The following SIK3 variants were observed in gnomAD, a reference collection of about 807,000 sequenced individuals.
SIK3 encodes the protein SIK family kinase 3.
SIK3 carries 28 observed loss-of-function variants against 144.2 expected under a neutral mutation model. The ratio of observed to expected loss-of-function variants is 0.19; its 90% CI spans 0.14 to 0.27. The LOEUF (loss-of-function observed/expected upper bound fraction) is 0.27. Ranked by LOEUF, SIK3 falls within the 10% of genes least tolerant of loss-of-function variation. SIK3 has a pLI of 1.00. For missense variants in SIK3, 1,319 were observed against 1,776.0 expected (o/e 0.74, Z 4.62); for synonymous variants, 686 against 676.3 (o/e 1.01, Z -0.22).
At chr11:116,890,279 G>GT (rs1406219490) in intron 6 of SIK3, among the ~76,000 whole-genome samples, 6 of 152,214 alleles carry the variant, frequency 3.9e-5, no homozygotes, top group Admixed American at 1.3e-4. Flanking sequence ...TGAGGGGAAT[G>GT]TATGTGTTTG....
chr11:116,896,180 A>T, intron 6 of SIK3, 73 bp downstream of exon 6: 1 of 1,584,330 alleles, frequency 6.3e-7, no homozygotes, highest in Non-Finnish European at 8.6e-7. Flanking sequence ...CTCCATCACT[A>T]AATTCCTGGG....
At chr11:116,851,789 C>T (rs1258111770) in intron 21 of SIK3, among the ~76,000 whole-genome samples, 1 of 152,248 alleles carries the variant, frequency 6.6e-6, no homozygotes, top group Non-Finnish European at 1.5e-5. Flanking sequence ...GGGCACTGCT[C>T]GCATGTTGGC....
chr11:117,033,708 T>TAAAA (rs11347459), intron 1 of SIK3, among the ~76,000 whole-genome samples: 3 of 91,506 alleles, frequency 3.3e-5, no homozygotes, highest in Non-Finnish European at 7.3e-5. Context: ...AGACTCCGTC[T>TAAAA]AAAAAAAAAA....
chr11:116,982,202 G>T (rs1950162231), intron 1 of SIK3, among the ~76,000 whole-genome samples: 1 of 151,988 alleles, frequency 6.6e-6, no homozygotes, highest in South Asian at 2.1e-4. Context: ...GGTACTACTT[G>T]TCTCTTGTCC....
At chr11:116,918,828 A>T (rs763945615) in intron 4 of SIK3, among the ~76,000 whole-genome samples, 3 of 152,252 alleles carry the variant, frequency 2.0e-5, no homozygotes, top group Non-Finnish European at 4.4e-5. Context: ...ACAAATTTGT[A>T]AAGTTCTAGT....
chr11:116,983,568 A>G (rs1177170839), intron 1 of SIK3, among the ~76,000 whole-genome samples: 1 of 152,102 alleles, frequency 6.6e-6, no homozygotes, highest in Non-Finnish European at 1.5e-5. Context: ...ATACATCTGT[A>G]TTTTAATAAG....
intron 1 of SIK3, among the ~76,000 whole-genome samples, chr11:117,064,674 A>C (rs1263764507): frequency 1.3e-5 from 2 of 152,206 alleles, no homozygotes; most frequent in African/African-American, 4.8e-5. Context: ...GGCATCTTAA[A>C]ACAGGTCTTT....
intron 6 of SIK3, 57 bp from the exon 7 acceptor site, chr11:116,877,099 T>A: frequency 1.3e-6 from 2 of 1,504,968 alleles, no homozygotes; most frequent in Non-Finnish European, 1.8e-6. Flanking sequence ...ACCAGGGGAG[T>A]AGAGGAACCA....
intron 4 of SIK3, among the ~76,000 whole-genome samples, chr11:116,906,491 C>T (rs1053279134): frequency 2.6e-5 from 4 of 152,006 alleles, no homozygotes; most frequent in African/African-American, 7.3e-5. Context: ...ATTAAGGCTT[C>T]GAAAACACCC....
intron 1 of SIK3, among the ~76,000 whole-genome samples, chr11:117,018,933 AAC>A (rs1771681994): frequency 6.6e-6 from 1 of 151,906 alleles, no homozygotes; most frequent in Admixed American, 6.6e-5. Flanking sequence ...GCTGGTCTTG[AAC>A]TCCTGACCTT....
At chr11:117,049,599 C>T (rs1172795149) in intron 1 of SIK3, among the ~76,000 whole-genome samples, 1 of 151,632 alleles carries the variant, frequency 6.6e-6, no homozygotes, top group Non-Finnish European at 1.5e-5. Flanking sequence ...AAGAAAGAAG[C>T]AAGGAAGAAA....
At chr11:117,078,156 T>C (rs1416906622) in intron 1 of SIK3, among the ~76,000 whole-genome samples, 1 of 152,204 alleles carries the variant, frequency 6.6e-6, no homozygotes, top group African/African-American at 2.4e-5. Context: ...CACAAGACCC[T>C]GAAGTTGGTT....
chr11:117,050,010 G>A (rs1366283209), intron 1 of SIK3, among the ~76,000 whole-genome samples: 2 of 151,804 alleles, frequency 1.3e-5, no homozygotes, highest in Admixed American at 1.3e-4. Context: ...TAAGATAGCA[G>A]CCGGGCACAG....
At chr11:117,023,253 C>T (rs942278541) in intron 1 of SIK3, among the ~76,000 whole-genome samples, 16 of 152,020 alleles carry the variant, frequency 1.1e-4, no homozygotes, top group African/African-American at 3.9e-4. Flanking sequence ...CCCCTCACCA[C>T]CCCCAAAGCA....
chr11:117,074,637 T>A lies in SIK3; in HGVS notation c.273+23506A>T, dbSNP rs558284523. On this transcript the variant is annotated intron_variant, in intron 1 of 24. Transcript: ENST00000445177. ...TTATTAGCAACAGCTTAGAAACAAC[T>A]CAAGGCCAGGCGTGGTGGCTCACGC... Among the ~76,000 whole-genome samples the A allele has an allele frequency of 1.9e-4, 29 of 152,194 alleles. No individual in the cohort carries two copies. The South Asian group carries it at 4.6e-3, about 24-fold the overall frequency.
intron 1 of SIK3, among the ~76,000 whole-genome samples, chr11:117,074,330 C>T (rs1039498104): frequency 9.9e-5 from 15 of 152,142 alleles, no homozygotes; most frequent in African/African-American, 3.6e-4. Context: ...ATTTTCCCAC[C>T]CCCACTTCCC....
intron 1 of SIK3, chr11:117,035,783 G>T (rs1215411536): frequency 1.7e-5 from 24 of 1,387,322 alleles, no homozygotes; most frequent in Middle Eastern, 4.9e-4. Flanking sequence ...CACTCATCTT[G>T]ATTCAGAGTG....
chr11:116,885,000 T>G lies in SIK3; in HGVS notation c.866-7958A>C, dbSNP rs143655075. ...ATGGAAGTCCCACACTTCAGTAAAA[T>G]TTCAAAAATGATATTCCAACAGTAA... is the stretch of plus-strand genomic sequence containing the variant. On this transcript the variant is annotated intron_variant, in intron 6 of 24. Transcript: ENST00000445177. Among the ~76,000 whole-genome samples, 226 of 152,218 alleles carry G rather than the reference T, an allele frequency of 1.5e-3. 1 individual carries two copies. The highest frequency in any genetic ancestry group is 5.3e-3 in the African/African-American group (220 of 41,548).
chr11:116,991,371 C>T (rs560897), intron 1 of SIK3, among the ~76,000 whole-genome samples: 8,593 of 152,200 alleles, frequency 0.056, 514 homozygotes, highest in African/African-American at 0.15. Flanking sequence ...CACTTGAACC[C>T]GGGAGGCGAA....
Sources: gnomAD v4.1 joint callset for allele counts (sites outside exome capture counted in the v4.1 genomes callset) on GRCh38, gnomAD v4.1.1 for gene constraint, MANE v1.5 for transcripts, NCBI Gene and HGNC (gene_info 2026-07-23, HGNC 2026-07-21) for gene names.